Variants in ARHGEF28 observed in about 807,000 individuals in gnomAD.
ARHGEF28 encodes Rho guanine nucleotide exchange factor 28, also known as 190 kDa guanine nucleotide exchange factor.
In ARHGEF28, 152 loss-of-function variants were observed where a neutral mutation model predicts 206.6. That is an observed-to-expected ratio of 0.74 (90% CI 0.64 to 0.84). The LOEUF is 0.84. Ranked by LOEUF, ARHGEF28 falls within the 40% of genes least tolerant of loss-of-function variation. The pLI, the probability that ARHGEF28 is intolerant of heterozygous loss-of-function variation, is 0.00. For missense variants in ARHGEF28, 2,028 were observed against 2,073.2 expected, an observed-to-expected ratio of 0.98 and a Z score of 0.42; for synonymous variants, 763 against 776.4, an observed-to-expected ratio of 0.98 and a Z score of 0.29.
At chr5:73,732,519 G>A (rs999788861) in intron 2 of ARHGEF28, among the ~76,000 whole-genome samples, 2 of 152,114 alleles carry the variant, frequency 1.3e-5, no homozygotes, top group Non-Finnish European at 2.9e-5. Context: ...TGGCAATTCT[G>A]AATAGAGCTG....
intron 4 of ARHGEF28, among the ~76,000 whole-genome samples, chr5:73,759,108 C>A (rs1371630255): frequency 6.6e-6 from 1 of 151,534 alleles, no homozygotes; most frequent in Non-Finnish European, 1.5e-5. Context: ...AGAGCTGTCC[C>A]CAAAGAAAAC....
chr5:73,670,025 C>A (rs1192276348), intron 1 of ARHGEF28, among the ~76,000 whole-genome samples: 2 of 152,104 alleles, frequency 1.3e-5, no homozygotes, highest in Non-Finnish European at 2.9e-5. Context: ...TTTAAAATTT[C>A]AATAACATTT....
intron 2 of ARHGEF28, among the ~76,000 whole-genome samples, chr5:73,694,248 A>G (rs1286175012): frequency 6.6e-6 from 1 of 152,214 alleles, no homozygotes; most frequent in Non-Finnish European, 1.5e-5. Context: ...AGGTGAATAT[A>G]CAACTACAGA....
chr5:73,635,041 G>C (rs912785069), intron 1 of ARHGEF28, among the ~76,000 whole-genome samples: 1 of 152,106 alleles, frequency 6.6e-6, no homozygotes, highest in Non-Finnish European at 1.5e-5. Context: ...AGGGAAGAGA[G>C]TAAAAAGAAA....
chr5:73,929,520 A>G (rs990243743), intron 35 of ARHGEF28, among the ~76,000 whole-genome samples: 3 of 152,216 alleles, frequency 2.0e-5, no homozygotes, highest in African/African-American at 4.8e-5. Flanking sequence ...TTTTTGACTC[A>G]GGATCCAAAT....
chr5:73,854,612 T>G (rs539791898), intron 14 of ARHGEF28, among the ~76,000 whole-genome samples: 7 of 152,008 alleles, frequency 4.6e-5, no homozygotes, highest in Middle Eastern at 3.4e-3. Flanking sequence ...GGGCGGATCA[T>G]CTGAGGTCAG....
At chr5:73,881,634 A>G (rs1444666257) in intron 22 of ARHGEF28, among the ~76,000 whole-genome samples, 3 of 152,184 alleles carry the variant, frequency 2.0e-5, no homozygotes, top group Admixed American at 6.5e-5. Flanking sequence ...TCGTGATGTA[A>G]ATTTTAAGTA....
intron 13 of ARHGEF28, among the ~76,000 whole-genome samples, chr5:73,851,420 TGA>T (rs1758696584): frequency 6.7e-6 from 1 of 150,200 alleles, no homozygotes; most frequent in Admixed American, 6.7e-5. Context: ...TTTTTTTTTT[TGA>T]GCCAAGAGTA....
intron 1 of ARHGEF28, among the ~76,000 whole-genome samples, chr5:73,666,510 G>A (rs1029303649): frequency 5.3e-5 from 8 of 152,186 alleles, no homozygotes; most frequent in African/African-American, 1.4e-4. Context: ...GCTGTCCCAC[G>A]TGTCCTTTGA....
chr5:73,894,586 G>C lies in ARHGEF28; in HGVS notation c.3841+11G>C, dbSNP rs1345981200. On this transcript the variant is annotated intron_variant, in intron 29 of 35. Coordinates refer to ENST00000513042, the MANE Select transcript of ARHGEF28 (RefSeq NM_001177693.2). ...CAGCACTGAAAGAAGGTAAACTGCT[G>C]TGAGAAGGGTTTGGGTCGACACGTT... 5 of 1,612,560 alleles carry C rather than the reference G, an allele frequency of 3.1e-6. No individual in the cohort carries two copies. The highest frequency in any genetic ancestry group is 4.2e-6 in the Non-Finnish European group (5 of 1,179,404).
In ARHGEF28 at chr5:73,832,037, A is replaced by G. The variant is rs7724088; in HGVS notation, c.1025-301A>G. On this transcript the variant is annotated intron_variant, in intron 9 of 35. Transcript: ENST00000513042. The stretch of plus-strand genomic sequence containing the variant: ...GGGAAATGAAGTTTAATTTAAAAAT[A>G]TAGTAGAAATCAAAAGCAAAGATTT... 0.15 allele frequency among the ~76,000 whole-genome samples: 22,369 copies of G among 152,260 alleles called. 1,811 individuals carry two copies. The highest frequency in any genetic ancestry group is 0.2 in the East Asian group (1,030 of 5,174).
chr5:73,684,999 CA>C, intron 2 of ARHGEF28, 115 bp downstream of exon 2: 1 of 1,083,364 alleles, frequency 9.2e-7, no homozygotes, highest in Non-Finnish European at 1.3e-6. Flanking sequence ...TTTTTAAAAA[CA>C]ACACACTGAG....
chr5:73,924,943 C>T (rs187279561), intron 35 of ARHGEF28, among the ~76,000 whole-genome samples: 36 of 152,244 alleles, frequency 2.4e-4, no homozygotes, highest in Admixed American at 1.2e-3. Context: ...TCACTGCATG[C>T]GGCATACCCT....
Position 73,904,203 on chromosome 5 carries a change from T to C in ARHGEF28, c.4075-19T>C, listed in dbSNP as rs768541699. On this transcript the variant is annotated intron_variant, in intron 31 of 35. Coordinates refer to ENST00000513042, the MANE Select transcript of ARHGEF28 (RefSeq NM_001177693.2). ...GAAGTAGAATGGTTATTCATTTTCT[T>C]GTTTTTTATGTATTTTAGGTGGAAT... 6.2e-7 allele frequency: 1 copy of C among 1,612,722 alleles called. No individual in the cohort carries two copies. Among genetic ancestry groups the C allele is most frequent in the African/African-American group, 1.3e-5 (1 of 74,896 alleles).
intron 7 of ARHGEF28, among the ~76,000 whole-genome samples, chr5:73,785,418 C>T (rs771751171): frequency 2.8e-4 from 42 of 152,164 alleles, no homozygotes; most frequent in Non-Finnish European, 4.9e-4. Context: ...ATCTTATGTC[C>T]TCCATTTTCA....
chr5:73,793,935 C>T (rs994607027), intron 7 of ARHGEF28, among the ~76,000 whole-genome samples: 2 of 151,926 alleles, frequency 1.3e-5, no homozygotes, highest in African/African-American at 4.8e-5. Context: ...TCTTGACCTT[C>T]AGTGATGTGT....
At chr5:73,842,045 AGT>A (rs1293717231) in intron 11 of ARHGEF28, among the ~76,000 whole-genome samples, 1 of 152,180 alleles carries the variant, frequency 6.6e-6, no homozygotes, top group Non-Finnish European at 1.5e-5. Context: ...TACATATATT[AGT>A]GTGTGTGCAC....
At chr5:73,676,069 CTT>C (rs70973270) in intron 1 of ARHGEF28, among the ~76,000 whole-genome samples, 1,405 of 115,090 alleles carry the variant, frequency 0.012, 18 homozygotes, top group African/African-American at 0.039. Context: ...ATTTTCTTTT[CTT>C]TTTTTTTTTT....
chr5:73,703,189 A>G (rs1384241015), intron 2 of ARHGEF28, among the ~76,000 whole-genome samples: 1 of 152,104 alleles, frequency 6.6e-6, no homozygotes, highest in Non-Finnish European at 1.5e-5. Flanking sequence ...TCTGTGTTCC[A>G]TGGTTAAATT....
Sources: allele counts gnomAD v4.1 joint callset (sites outside exome capture counted in the v4.1 genomes callset), GRCh38; gene constraint gnomAD v4.1.1; transcripts MANE v1.5; gene names NCBI Gene and HGNC (gene_info 2026-07-23, HGNC 2026-07-21).